The following ECE1 variants were observed in gnomAD, a reference collection of about 807,000 sequenced individuals.
ECE1 encodes the protein endothelin-converting enzyme 1.
Under a neutral mutation model 98.6 loss-of-function variants are expected in ECE1, and 35 were observed. The ratio of observed to expected loss-of-function variants is 0.35; its 90% confidence interval spans 0.27 to 0.47. The LOEUF is 0.47. ECE1 is among the 20% of genes least tolerant of loss of function. The pLI is 1.00. For synonymous variants in ECE1, 394 were observed against 407.1 expected (o/e 0.97, Z 0.39); for missense variants, 814 against 1,025.3 (o/e 0.79, Z 2.81).
intron 1 of ECE1, among the ~76,000 whole-genome samples, chr1:21,334,467 G>T (rs534366330): frequency 6.6e-6 from 1 of 152,258 alleles, no homozygotes; most frequent in Non-Finnish European, 1.5e-5. Context: ...CAGCGTGGCC[G>T]TGTGAACAGC....
intron 8 of ECE1, among the ~76,000 whole-genome samples, chr1:21,250,904 G>A (rs1188552039): frequency 6.6e-6 from 1 of 152,234 alleles, no homozygotes; most frequent in Non-Finnish European, 1.5e-5. Context: ...CTACGCGGGA[G>A]GCTGAGGCAG....
At chr1:21,293,989 G>C (rs1273547236), upstream of ECE1, 2 of 152,428 alleles carry the variant, frequency 1.3e-5, no homozygotes, top group Non-Finnish European at 2.9e-5. Context: ...AGATGACCAA[G>C]GGTCAGAGAG....
rs1395499514 is a variant in ECE1 at position 21,247,354 on chromosome 1, G to A, written c.1030C>T (p.Pro344Ser). ...AGAAAAGGCAACCAGTTGATGGCGG[G>A]TGCCAAGGTCTGCAAGGGAAAAGGA... ...VTAAELQTLA[P>S]AINWLPFLNT... The change falls in exon 9 of 19, where the codon CCC becomes TCC. Residue 344 changes from proline (P) to serine (S), a missense_variant. Around this residue, in one of 3 missense-constraint regions of ECE1, gnomAD observed 105 missense variants for 179.1 expected, o/e 0.59. Transcript: ENST00000374893. 1 of 1,614,092 alleles carries A rather than the reference G, an allele frequency of 6.2e-7. No individual in the cohort carries two copies. Among genetic ancestry groups the A allele is most frequent in the Non-Finnish European group, 8.5e-7 (1 of 1,180,050 alleles).
At chr1:21,310,983 G>A (rs1638711388) in intron 1 of ECE1, among the ~76,000 whole-genome samples, 1 of 152,220 alleles carries the variant, frequency 6.6e-6, no homozygotes, top group African/African-American at 2.4e-5. Flanking sequence ...CAGGAGGCAA[G>A]AGATGGCCCC....
chr1:21,226,813 C>T (rs1479052042), intron 16 of ECE1, among the ~76,000 whole-genome samples: 1 of 152,220 alleles, frequency 6.6e-6, no homozygotes, highest in Non-Finnish European at 1.5e-5. Context: ...GCAACCTCCG[C>T]CTCCCAGATT....
intron 4 of ECE1, chr1:21,266,590 G>A (rs2098234247): frequency 2.6e-5 from 4 of 152,346 alleles, no homozygotes; most frequent in Non-Finnish European, 4.4e-5. Flanking sequence ...AGGCCCAGGT[G>A]CGTGAAGAAA....
intron 1 of ECE1, among the ~76,000 whole-genome samples, chr1:21,318,785 G>C (rs1638894402): frequency 6.6e-6 from 1 of 152,176 alleles, no homozygotes; most frequent in Non-Finnish European, 1.5e-5. Context: ...CCCCCAGGCA[G>C]TGTGCCAAAA....
intron 4 of ECE1, among the ~76,000 whole-genome samples, chr1:21,262,660 C>T (rs562629994): frequency 2.0e-5 from 3 of 152,356 alleles, no homozygotes; most frequent in East Asian, 3.9e-4. Context: ...AGCAGCCTGG[C>T]TGTGCTAATC....
Position 21,290,323 on chromosome 1 carries a change from C to A in ECE1, c.51+41G>T. ...GCGGCCCGCGCGGGGAGGGGTCCCG[C>A]CCGCCTCCCGCCCCCGCCCTCCAGG... On this transcript the variant is annotated intron_variant, in intron 1 of 18. Coordinates refer to ENST00000374893, the MANE Select transcript of ECE1 (RefSeq NM_001397.3). This position sits in a 1 kb window ranked among gnomAD's most constrained non-coding sequence, Gnocchi z 7.3. 2 of 1,223,574 alleles carry A rather than the reference C, an allele frequency of 1.6e-6. No homozygotes were observed. The highest frequency in any genetic ancestry group is 3.6e-5 in the South Asian group (1 of 27,748). The allele number at this position is 1,223,574 out of a possible 1,614,324, so 75.8% of individuals were successfully genotyped here.
At chr1:21,247,475 C>A in intron 8 of ECE1, 112 bp from the exon 9 acceptor site, 1 of 1,502,612 alleles carries the variant, frequency 6.7e-7, no homozygotes, top group East Asian at 2.3e-5. Flanking sequence ...TTGGCGCCAT[C>A]TGACAGCGCA....
In ECE1 at chr1:21,228,786, C is replaced by CA. The variant is rs1374934937; in HGVS notation, c.1671-746dup. On this transcript the variant is annotated intron_variant, in intron 14 of 18. Coordinates refer to ENST00000374893, the MANE Select transcript of ECE1 (RefSeq NM_001397.3). The stretch of plus-strand genomic sequence containing the variant: ...CCTGGGTGACAGAGCAAGGCTATCT[C>CA]AAAAAAAAAAGAAAAAAGAAAAGAA... Among the ~76,000 whole-genome samples the CA allele has an allele frequency of 7.2e-4, 98 of 136,014 alleles. 1 individual carries two copies. Among genetic ancestry groups the CA allele is most frequent in the African/African-American group, 1.1e-3 (41 of 37,064 alleles). The allele number at this position is 136,014 out of a possible 152,430, so 89.2% of individuals were successfully genotyped here.
chr1:21,232,190 C>A (rs1319070456), intron 14 of ECE1, among the ~76,000 whole-genome samples: 2 of 152,124 alleles, frequency 1.3e-5, no homozygotes, highest in African/African-American at 4.8e-5. Flanking sequence ...TTGCACCCTT[C>A]CCTAAGATTT....
chr1:21,289,993 C>T, intron 2 of ECE1, 77 bp downstream of exon 2: 3 of 897,834 alleles, frequency 3.3e-6, no homozygotes, highest in Non-Finnish European at 4.0e-6. Flanking sequence ...TAGGTAGGGG[C>T]GGGGGGCGCG....
At chr1:21,297,218 G>T (rs963799884) in intron 1 of ECE1, among the ~76,000 whole-genome samples, 1 of 152,200 alleles carries the variant, frequency 6.6e-6, no homozygotes, top group African/African-American at 2.4e-5. Context: ...GCCCTGGGGG[G>T]CACCGGGAAT....
At position 21,258,462 on chromosome 1, in the gene ECE1, G is replaced by A. The variant is rs796695257; in HGVS notation, c.762+231C>T. 6.6e-5 allele frequency among the ~76,000 whole-genome samples: 10 copies of A among 152,302 alleles called. No homozygotes were observed. The highest frequency in any genetic ancestry group is 1.4e-4 in the African/African-American group (6 of 41,560). On this transcript the variant is annotated intron_variant, in intron 6 of 18. Coordinates refer to ENST00000374893, the MANE Select transcript of ECE1 (RefSeq NM_001397.3). The surrounding 1 kb of genome is among the most constrained non-coding windows in gnomAD (Gnocchi z 4.2). ...AGTTGACATCATTCTTGGGGCCCAC[G>A]GAAACCCATCAGCACCCAAAGTTTC...
chr1:21,247,751 T>G (rs2098205935), intron 8 of ECE1, among the ~76,000 whole-genome samples: 1 of 152,154 alleles, frequency 6.6e-6, no homozygotes, highest in Non-Finnish European at 1.5e-5. Context: ...AGACTGAGCT[T>G]TAGACAGGCC....
upstream of ECE1, among the ~76,000 whole-genome samples, chr1:21,292,309 C>G (rs753580886): frequency 2.6e-5 from 4 of 152,044 alleles, no homozygotes; most frequent in East Asian, 5.8e-4. Context: ...CCCCCTCCCC[C>G]ACCAACCTCC....
Position 21,238,219 on chromosome 1 carries a change from C to T in ECE1, c.1304G>A (p.Cys435Tyr). Residue 435 changes from cysteine to tyrosine, a missense_variant, in exon 11 of 19, where the codon TGC (cysteine) becomes TAC (tyrosine). Physicochemically the swap from Cys to Tyr is radical, Grantham distance 194. Transcript: ENST00000374893. ...CAGGTTGTTTTCTGTGTCACTCACG[C>T]AAAACTTCCAGCGAGGAAGACAGGT... ...KKTCLPRWKF[C>Y]VSDTENNLGF... 1.2e-6 allele frequency: 2 copies of T among 1,614,240 alleles called. No homozygotes were observed.
chr1:21,254,446 A>C (rs966275211), intron 8 of ECE1, among the ~76,000 whole-genome samples: 1 of 152,082 alleles, frequency 6.6e-6, no homozygotes, highest in Non-Finnish European at 1.5e-5. Context: ...GCAGCTGTGC[A>C]GCTGGGAGGC....
Sources: allele counts gnomAD v4.1 joint callset (sites outside exome capture counted in the v4.1 genomes callset), GRCh38; gene constraint gnomAD v4.1.1; regional missense constraint gnomAD v4.1.1; non-coding constraint Gnocchi (gnomAD v3.1); transcripts MANE v1.5; gene names NCBI Gene and HGNC (gene_info 2026-07-23, HGNC 2026-07-21).